TULP3: variants seen among roughly 807,000 people sequenced by gnomAD.
The protein encoded by TULP3 is tubby-related protein 3.
Under a neutral mutation model 50.7 loss-of-function variants are expected in TULP3, and 38 were observed. The ratio of observed to expected loss-of-function variants is 0.75; its 90% confidence interval spans 0.58 to 0.98. The LOEUF (loss-of-function observed/expected upper bound fraction) is 0.98. Ranked by LOEUF, TULP3 falls within the 50% of genes least tolerant of loss-of-function variation. The pLI, the probability that TULP3 is intolerant of heterozygous loss-of-function variation, is 0.00. For missense variants in TULP3, 550 were observed against 568.0 expected (o/e 0.97, Z 0.32); for synonymous variants, 183 against 196.6 (o/e 0.93, Z 0.58).
chr12:2,916,500 G>A (rs7963180), intron 2 of TULP3, among the ~76,000 whole-genome samples: 72,875 of 151,970 alleles, frequency 0.48, 17,978 homozygotes, highest in African/African-American at 0.6. Flanking sequence ...AAGTGATTAA[G>A]TTTTAGTTTA....
intron 2 of TULP3, among the ~76,000 whole-genome samples, chr12:2,912,308 C>G (rs1432203606): frequency 6.6e-6 from 1 of 152,112 alleles, no homozygotes; most frequent in Non-Finnish European, 1.5e-5. Flanking sequence ...AAGTTAGAGC[C>G]AAGATGGAGG....
At chr12:2,905,416 C>G (rs1000400787) in intron 1 of TULP3, among the ~76,000 whole-genome samples, 6 of 152,018 alleles carry the variant, frequency 3.9e-5, no homozygotes, top group African/African-American at 9.7e-5. Context: ...GATCTCTTGA[C>G]CTTGGGATCC....
chr12:2,934,470 T>G lies in TULP3; in HGVS notation c.833T>G (p.Phe278Cys). The G allele has an allele frequency of 6.3e-7, 1 of 1,597,044 alleles. No individual in the cohort carries two copies. Among genetic ancestry groups the G allele is most frequent in the Non-Finnish European group, 8.5e-7 (1 of 1,172,394 alleles). ...AGATCCAACCTCATGGGGACCAAGTTTACAGTTTATGACCGTGGCATCTGC... is the reference window on the plus strand; with the variant it reads ...AGATCCAACCTCATGGGGACCAAGTGTACAGTTTATGACCGTGGCATCTGC... Reference protein sequence around the residue: ...KLRSNLMGTKFTVYDRGICPM... With the variant: ...KLRSNLMGTKCTVYDRGICPM... Residue 278 changes from phenylalanine to cysteine, a missense_variant, in exon 8 of 11, where the codon TTT (phenylalanine) becomes TGT (cysteine). Transcript: ENST00000448120.
chr12:2,913,776 A>T (rs1201892141), intron 2 of TULP3, among the ~76,000 whole-genome samples: 1 of 151,828 alleles, frequency 6.6e-6, no homozygotes, highest in African/African-American at 2.4e-5. Context: ...ACACCTGGCT[A>T]ATTTTTGTAT....
chr12:2,935,094 T>C (rs1203374686), intron 8 of TULP3, among the ~76,000 whole-genome samples: 3 of 152,234 alleles, frequency 2.0e-5, no homozygotes, highest in Admixed American at 1.3e-4. Flanking sequence ...GAGGCTCCAG[T>C]TGATCCTCCT....
Position 2,939,209 on chromosome 12 carries a change from C to T in TULP3, c.1196-102C>T, listed in dbSNP as rs987841184. On this transcript the variant is annotated intron_variant, in intron 10 of 10. Coordinates refer to ENST00000448120, the MANE Select transcript of TULP3 (RefSeq NM_003324.5). The surrounding 1 kb of genome is among the most constrained non-coding windows in gnomAD (Gnocchi z 4.0). ...TCATTCCACTAGGCTCCAGCCAGGG[C>T]GACAGAGCAAAACCCCATCTAAGAA... is the stretch of plus-strand genomic sequence containing the variant. 59 of 1,336,456 alleles carry T rather than the reference C, an allele frequency of 4.4e-5. No homozygotes were observed. Among genetic ancestry groups the T allele is most frequent in the Non-Finnish European group, 5.7e-5 (55 of 964,174 alleles). The allele number at this position is 1,336,456 out of a possible 1,614,324, so 82.8% of individuals were successfully genotyped here.
In TULP3 at chr12:2,924,883, T is replaced by TA. The variant is rs898383530; in HGVS notation, c.394+2490dup. Among the ~76,000 whole-genome samples the TA allele has an allele frequency of 1.9e-4, 28 of 148,626 alleles. No individual in the cohort carries two copies. In the South Asian group the frequency reaches 5.2e-3, roughly 27 times the overall value. On this transcript the variant is annotated intron_variant, in intron 4 of 10. Coordinates refer to ENST00000448120, the MANE Select transcript of TULP3 (RefSeq NM_003324.5). ...ATAAAAATTAAAAATAAAAATTAAT[T>TA]AAAAAAAAATAGGGCTGGGCGCTAT... is the stretch of plus-strand genomic sequence containing the variant.
intron 2 of TULP3, among the ~76,000 whole-genome samples, chr12:2,910,290 A>G (rs2098184736): frequency 7.9e-6 from 1 of 126,748 alleles, no homozygotes; most frequent in Admixed American, 7.9e-5. Context: ...AAAAAAAAAA[A>G]TCCCCATCGC....
At chr12:2,908,641 C>G (rs1301283132) in intron 1 of TULP3, among the ~76,000 whole-genome samples, 1 of 152,064 alleles carries the variant, frequency 6.6e-6, no homozygotes, top group South Asian at 2.1e-4. Flanking sequence ...AGGCTGGTCT[C>G]GAACTCCTGA....
intron 1 of TULP3, among the ~76,000 whole-genome samples, chr12:2,908,150 G>A (rs959838786): frequency 3.9e-5 from 6 of 152,146 alleles, no homozygotes; most frequent in African/African-American, 1.4e-4. Context: ...GAATATAGTG[G>A]CACACCATTA....
intron 1 of TULP3, among the ~76,000 whole-genome samples, chr12:2,901,142 G>C (rs2098178993): frequency 6.6e-6 from 1 of 150,606 alleles, no homozygotes; most frequent in Non-Finnish European, 1.5e-5. Flanking sequence ...TTTGAGAAAG[G>C]GTCTCTGTTC....
intron 1 of TULP3, 43 bp downstream of exon 1, chr12:2,891,031 G>A (rs753008998): frequency 2.0e-6 from 3 of 1,516,424 alleles, no homozygotes; most frequent in African/African-American, 2.8e-5. Context: ...GCGAGGCGGA[G>A]GGGCGAAGCG....
At chr12:2,893,739 T>G (rs2098173705) in intron 1 of TULP3, among the ~76,000 whole-genome samples, 1 of 151,880 alleles carries the variant, frequency 6.6e-6, no homozygotes, top group South Asian at 2.1e-4. Context: ...CTTGGAATTA[T>G]GTAACTTTTA....
At chr12:2,935,931 T>C (rs1208742181) in intron 8 of TULP3, among the ~76,000 whole-genome samples, 4 of 151,730 alleles carry the variant, frequency 2.6e-5, no homozygotes, top group Admixed American at 1.3e-4. Context: ...GATCACACCA[T>C]GCACTCTAGC....
At chr12:2,936,368 G>C (rs1162375853) in intron 8 of TULP3, among the ~76,000 whole-genome samples, 2 of 152,068 alleles carry the variant, frequency 1.3e-5, no homozygotes, top group Non-Finnish European at 2.9e-5. Context: ...ATGTAATATA[G>C]TGCTATGCCC....
At chr12:2,919,343 A>T (rs1035724270) in intron 2 of TULP3, among the ~76,000 whole-genome samples, 1 of 152,144 alleles carries the variant, frequency 6.6e-6, no homozygotes, top group Admixed American at 6.6e-5. Flanking sequence ...TCTAACACCT[A>T]TTCATTCTTG....
chr12:2,937,595 T>C lies in TULP3; in HGVS notation c.925-36T>C, dbSNP rs769333092. ...AAGAATGTGGTCTCTATTTTTTTCC[T>C]GTTTCCAAGTTCTGCTTTGTTTTCC... On this transcript the variant is annotated intron_variant, in intron 8 of 10. Coordinates refer to ENST00000448120, the MANE Select transcript of TULP3 (RefSeq NM_003324.5). 1.2e-5 allele frequency: 18 copies of C among 1,488,746 alleles called. No individual in the cohort carries two copies. In the South Asian group the frequency reaches 1.9e-4, roughly 16 times the overall value. The allele number at this position is 1,488,746 out of a possible 1,614,324, so 92.2% of individuals were successfully genotyped here. A position where few individuals can be genotyped will look rare whatever the true frequency, so the allele number is the denominator to read the frequency against.
intron 8 of TULP3, among the ~76,000 whole-genome samples, chr12:2,935,811 A>C (rs1344696047): frequency 1.3e-5 from 2 of 151,946 alleles, no homozygotes; most frequent in Non-Finnish European, 2.9e-5. Flanking sequence ...TCTACTAAAA[A>C]TACAAAAATT....
intron 1 of TULP3, among the ~76,000 whole-genome samples, chr12:2,900,179 C>T (rs971214369): frequency 1.2e-4 from 18 of 151,924 alleles, no homozygotes; most frequent in Non-Finnish European, 1.2e-4. Flanking sequence ...GCCGAGATCG[C>T]GCCACTGTAC....
Sources: allele counts gnomAD v4.1 joint callset (sites outside exome capture counted in the v4.1 genomes callset), GRCh38; gene constraint gnomAD v4.1.1; non-coding constraint Gnocchi (gnomAD v3.1); transcripts MANE v1.5; gene names NCBI Gene and HGNC (gene_info 2026-07-23, HGNC 2026-07-21).